ADGRL2: variants seen among roughly 807,000 people sequenced by gnomAD.
ADGRL2 encodes adhesion G protein-coupled receptor L2.
ADGRL2 carries 44 observed loss-of-function variants against 157.4 expected under a neutral mutation model. The ratio of observed to expected loss-of-function variants is 0.28; its 90% CI spans 0.22 to 0.36. ADGRL2 has a LOEUF of 0.36. ADGRL2 is among the 10% of genes least tolerant of loss of function. The pLI is 1.00. For missense variants in ADGRL2, 1,510 were observed against 1,768.9 expected (o/e 0.85, Z 2.63); for synonymous variants, 585 against 624.7 (o/e 0.94, Z 0.95).
intron 1 of ADGRL2, among the ~76,000 whole-genome samples, chr1:81,392,300 A>T (rs1409968743): frequency 2.6e-5 from 4 of 152,064 alleles, no homozygotes; most frequent in African/African-American, 4.8e-5. Flanking sequence ...ATGAATAGAA[A>T]TAAAGTTTAT....
chr1:81,626,995 G>A (rs963618022), intron 3 of ADGRL2, among the ~76,000 whole-genome samples: 1 of 152,184 alleles, frequency 6.6e-6, no homozygotes, highest in South Asian at 2.1e-4. Flanking sequence ...TTTTGCTTCA[G>A]TACTTTATTC....
At chr1:81,750,028 T>C (rs2085437451) in intron 1 of ADGRL2, among the ~76,000 whole-genome samples, 2 of 152,268 alleles carry the variant, frequency 1.3e-5, no homozygotes, top group Admixed American at 1.3e-4. Flanking sequence ...ATGTGAAGTC[T>C]AGTTAGAATT....
At chr1:81,758,962 G>A (rs1336404331) in intron 1 of ADGRL2, among the ~76,000 whole-genome samples, 4 of 151,908 alleles carry the variant, frequency 2.6e-5, no homozygotes, top group Non-Finnish European at 4.4e-5. Flanking sequence ...TATTCCTTCC[G>A]CTACTCCTAA....
intron 6 of ADGRL2, among the ~76,000 whole-genome samples, chr1:81,944,744 A>G (rs967962864): frequency 2.0e-5 from 3 of 152,010 alleles, no homozygotes; most frequent in Non-Finnish European, 2.9e-5. Context: ...AATATCCTCA[A>G]TAGGGTGGGG....
At chr1:81,548,218 T>C (rs1039017940) in intron 2 of ADGRL2, among the ~76,000 whole-genome samples, 3 of 152,120 alleles carry the variant, frequency 2.0e-5, no homozygotes, top group Non-Finnish European at 4.4e-5. Context: ...TCTGTGCAAT[T>C]CTCTTCCTTT....
chr1:81,335,944 A>G (rs1179256985), intron 1 of ADGRL2, among the ~76,000 whole-genome samples: 2 of 152,180 alleles, frequency 1.3e-5, no homozygotes, highest in African/African-American at 4.8e-5. Context: ...TTCAATCAAT[A>G]GCACCATTAG....
intron 1 of ADGRL2, among the ~76,000 whole-genome samples, chr1:81,411,948 C>G (rs1268529569): frequency 6.6e-6 from 1 of 151,474 alleles, no homozygotes. Flanking sequence ...TGTAGTAAGT[C>G]TCAGATTCTG....
intron 1 of ADGRL2, among the ~76,000 whole-genome samples, chr1:81,700,490 C>G (rs2083542547): frequency 6.6e-6 from 1 of 152,140 alleles, no homozygotes; most frequent in Non-Finnish European, 1.5e-5. Flanking sequence ...TTTGTTAAAG[C>G]CTTTTCAAAA....
intron 2 of ADGRL2, among the ~76,000 whole-genome samples, chr1:81,468,346 A>G (rs1284028181): frequency 6.6e-6 from 1 of 152,208 alleles, no homozygotes; most frequent in Non-Finnish European, 1.5e-5. Context: ...TTCACATTAT[A>G]AATTTAGCAT....
chr1:81,698,341 T>C (rs1023603994), upstream of ADGRL2, among the ~76,000 whole-genome samples: 1 of 152,222 alleles, frequency 6.6e-6, no homozygotes, highest in African/African-American at 2.4e-5. Context: ...GTGCATACCA[T>C]GTATACATCC....
At chr1:81,910,858 G>T (rs886388251) in intron 3 of ADGRL2, among the ~76,000 whole-genome samples, 3 of 151,470 alleles carry the variant, frequency 2.0e-5, no homozygotes, top group Non-Finnish European at 2.9e-5. Context: ...CTTTAATGTA[G>T]AAAGTTTGTC....
intron 17 of ADGRL2, among the ~76,000 whole-genome samples, chr1:81,976,364 A>G (rs7417555): frequency 0.99 from 150,904 of 152,062 alleles, 74,890 homozygotes; most frequent in Middle Eastern, 1. Context: ...CTTTCAAGTC[A>G]TGTTTCAGAG....
At position 81,401,983 on chromosome 1, in the gene ADGRL2, G is replaced by T. The variant is rs530825763; in HGVS notation, c.-301-43053G>T. Among the ~76,000 whole-genome samples, 3 of 151,898 alleles carry T rather than the reference G, an allele frequency of 2.0e-5. No homozygotes were observed. The South Asian group carries it at 6.2e-4, about 32-fold the overall frequency. On this transcript the variant is annotated intron_variant, in intron 1 of 24. Coordinates refer to the ADGRL2 transcript ENST00000370721. ...CTCTAAAGGATTAAAATTAGTAATT[G>T]TTTGTTTGTTTGTTTGTTTGTTTTG...
At chr1:81,655,435 T>C (rs2082512239) in intron 3 of ADGRL2, among the ~76,000 whole-genome samples, 1 of 152,156 alleles carries the variant, frequency 6.6e-6, no homozygotes, top group South Asian at 2.1e-4. Flanking sequence ...CCCACATATG[T>C]CAGACTCCAA....
At chr1:81,440,417 A>T (rs766996580) in intron 1 of ADGRL2, among the ~76,000 whole-genome samples, 12 of 152,184 alleles carry the variant, frequency 7.9e-5, no homozygotes, top group Non-Finnish European at 1.8e-4. Flanking sequence ...GTTGGACATT[A>T]TTCCTACTCA....
intron 3 of ADGRL2, among the ~76,000 whole-genome samples, chr1:81,614,157 G>T (rs2148680122): frequency 6.6e-6 from 1 of 152,222 alleles, no homozygotes; most frequent in African/African-American, 2.4e-5. Context: ...GTTCATATCT[G>T]TGAACAAGAT....
At chr1:81,357,439 C>T (rs952813716) in intron 1 of ADGRL2, among the ~76,000 whole-genome samples, 2 of 152,110 alleles carry the variant, frequency 1.3e-5, no homozygotes, top group African/African-American at 4.8e-5. Flanking sequence ...TAAAGTCATT[C>T]ATCTTCACTC....
intron 1 of ADGRL2, among the ~76,000 whole-genome samples, chr1:81,727,811 A>AT (rs2084587779): frequency 7.2e-6 from 1 of 139,108 alleles, no homozygotes; most frequent in Non-Finnish European, 1.6e-5. Context: ...TGTGTGAATA[A>AT]AATATATATA....
At chr1:81,579,519 T>C (rs1557478655) in intron 2 of ADGRL2, 1 of 152,124 alleles carries the variant, frequency 6.6e-6, no homozygotes, top group African/African-American at 2.4e-5. Flanking sequence ...TAATTCAGAA[T>C]ATAAATTAAG....
Sources: allele counts gnomAD v4.1 joint callset (sites outside exome capture counted in the v4.1 genomes callset), GRCh38; gene constraint gnomAD v4.1.1; transcripts MANE v1.5; gene names NCBI Gene and HGNC (gene_info 2026-07-23, HGNC 2026-07-21).